The following MGRN1 variants were observed in gnomAD, a reference collection of about 807,000 sequenced individuals.
MGRN1 encodes the protein E3 ubiquitin-protein ligase MGRN1.
A neutral mutation model predicts 69.2 loss-of-function variants in MGRN1; 29 were observed. The observed-to-expected ratio is 0.42, with a 90% CI of 0.31 to 0.57. The LOEUF (loss-of-function observed/expected upper bound fraction) is 0.57, where lower values mean the gene tolerates loss of function less well. MGRN1 is among the 20% of genes least tolerant of loss of function. The probability of loss-of-function intolerance (pLI) is 0.15; values close to 1 mark genes in which losing one functional copy is unlikely to be tolerated. For synonymous variants in MGRN1, 470 were observed against 344.2 expected (o/e 1.37, Z -4.04); for missense variants, 998 against 796.2 (o/e 1.25, Z -3.05).
At chr16:4,668,518 CAT>C (rs527834275) in intron 8 of MGRN1, among the ~76,000 whole-genome samples, 157 of 152,006 alleles carry the variant, frequency 1.0e-3, no homozygotes, top group Non-Finnish European at 1.5e-3. Flanking sequence ...TATATAGACA[CAT>C]AAACACACAG....
At chr16:4,659,815 G>T (rs1464753623) in intron 5 of MGRN1, among the ~76,000 whole-genome samples, 1 of 151,030 alleles carries the variant, frequency 6.6e-6, no homozygotes, top group Non-Finnish European at 1.5e-5. Flanking sequence ...TTCAGAGAAG[G>T]CTGGGTGGCC....
At chr16:4,667,489 C>T (rs2078831459) in intron 7 of MGRN1, among the ~76,000 whole-genome samples, 1 of 152,230 alleles carries the variant, frequency 6.6e-6, no homozygotes, top group South Asian at 2.1e-4. Context: ...CATCTGCATC[C>T]TCTGGCAGAG....
rs116591067 is a variant in MGRN1 at position 4,668,442 on chromosome 16, C to G, written c.726+130C>G. ...ATACTCATACACGCTCATACACACTCATACACATTCACTTGCACATATATA... is the reference window on the plus strand; with the variant it reads ...ATACTCATACACGCTCATACACACTGATACACATTCACTTGCACATATATA... On this transcript the variant is annotated intron_variant, in intron 8 of 16. Transcript: ENST00000262370. 723 of 906,322 alleles carry G rather than the reference C, an allele frequency of 8.0e-4. 4 individuals carry two copies. The African/African-American group carries it at 0.011, about 14-fold the overall frequency. The allele number at this position is 906,322 out of a possible 1,614,324, so 56.1% of individuals were successfully genotyped here. A position where few individuals can be genotyped will look rare whatever the true frequency, so the allele number is the denominator to read the frequency against.
intron 1 of MGRN1, among the ~76,000 whole-genome samples, chr16:4,637,118 C>CAAAA (rs36033548): frequency 3.3e-4 from 16 of 48,478 alleles, no homozygotes; most frequent in African/African-American, 1.2e-3. Context: ...GACTCCATCT[C>CAAAA]AAAAAAAAAA....
chr16:4,674,299 A>T (rs1381911107), intron 10 of MGRN1, among the ~76,000 whole-genome samples: 6 of 148,428 alleles, frequency 4.0e-5, no homozygotes, highest in Admixed American at 1.3e-4. Context: ...ATTTTATTTT[A>T]TTTTTTTGAG....
At chr16:4,655,449 C>T (rs2078513689) in intron 4 of MGRN1, among the ~76,000 whole-genome samples, 1 of 145,740 alleles carries the variant, frequency 6.9e-6, no homozygotes, top group African/African-American at 2.4e-5. Context: ...AGCTTCCCCT[C>T]CCAGCAGGAA....
chr16:4,665,064 C>A, intron 6 of MGRN1, 38 bp from the exon 7 acceptor site: 1 of 1,612,710 alleles, frequency 6.2e-7, no homozygotes, highest in Non-Finnish European at 8.5e-7. Context: ...GTGGGGCAGG[C>A]CCCGACTCTG....
chr16:4,664,360 G>A (rs749796666), intron 5 of MGRN1: 2 of 323,260 alleles, frequency 6.2e-6, no homozygotes, highest in Non-Finnish European at 1.2e-5. Context: ...GCTGGAGGAG[G>A]GGATGGGGAG....
chr16:4,653,951 C>T (rs934141628), intron 4 of MGRN1, among the ~76,000 whole-genome samples: 1 of 152,186 alleles, frequency 6.6e-6, no homozygotes, highest in Non-Finnish European at 1.5e-5. Flanking sequence ...GGGGTTTCAT[C>T]ATGTTGGTCA....
At chr16:4,650,199 A>C (rs1170434028) in intron 1 of MGRN1, 166 bp from the exon 2 acceptor site, 3 of 540,724 alleles carry the variant, frequency 5.5e-6, no homozygotes, top group African/African-American at 3.9e-5. Context: ...GCTACTCGGG[A>C]GGCTGAGGCA....
intron 1 of MGRN1, among the ~76,000 whole-genome samples, chr16:4,635,317 T>A (rs1276747459): frequency 6.6e-6 from 1 of 151,998 alleles, no homozygotes; most frequent in Non-Finnish European, 1.5e-5. Flanking sequence ...CTCAGGTGGC[T>A]GAGGTGGGAG....
intron 16 of MGRN1, chr16:4,687,383 A>G (rs1252514571): frequency 1.7e-5 from 16 of 919,980 alleles, no homozygotes; most frequent in Middle Eastern, 5.5e-4. Context: ...CCTCTCTATG[A>G]AAAATAAAAA....
rs150893432 is a variant in MGRN1 at position 4,663,391 on chromosome 16, T to TTA, written c.562-1318_562-1317insTA. ...TTTTTTTTTTTTTTTTTTTTTTTTT[T>TTA]ACACCTTTATTGTGTTATAATTACC... On this transcript the variant is annotated intron_variant, in intron 5 of 16. Transcript: ENST00000262370. Among the ~76,000 whole-genome samples, 131 of 123,244 alleles carry TTA rather than the reference T, an allele frequency of 1.1e-3. 15 individuals carry two copies. Among genetic ancestry groups the TTA allele is most frequent in the Non-Finnish European group, 1.9e-3 (105 of 56,352 alleles). 80.9% of individuals were successfully genotyped at this position (123,244 alleles called of 152,430 possible).
At position 4,681,692 on chromosome 16, in the gene MGRN1, A is replaced by T. The variant is rs756636262; in HGVS notation, c.1274A>T (p.Gln425Leu). ...TCAGGCATCTCGGACGGCCTGTCCC[A>T]GGCCAGCTGTCCCCTCGCGGCTATC... is the stretch of plus-strand genomic sequence containing the variant. ...TYSGISDGLS[Q>L]ASCPLAAIDH... The change falls in exon 13 of 17, where the codon CAG becomes CTG. Residue 425 changes from glutamine (Q) to leucine (L), a missense_variant. Physicochemically the swap from Gln to Leu is moderately radical, Grantham distance 113. Transcript: ENST00000262370. 1.9e-6 allele frequency: 3 copies of T among 1,613,444 alleles called. No individual in the cohort carries two copies. Among genetic ancestry groups the T allele is most frequent in the Admixed American group, 3.3e-5 (2 of 60,024 alleles).
At chr16:4,669,521 CAT>C (rs2141941061) in intron 8 of MGRN1, among the ~76,000 whole-genome samples, 1 of 151,372 alleles carries the variant, frequency 6.6e-6, no homozygotes, top group African/African-American at 2.4e-5. Context: ...CTTGGGTGAG[CAT>C]ATATGTTTTG....
chr16:4,650,446 A>T lies in MGRN1; in HGVS notation c.170A>T (p.Asn57Ile). Residue 57 changes from asparagine to isoleucine, a missense_variant, in exon 2 of 17, where the codon AAC (asparagine) becomes ATC (isoleucine). Physicochemically the swap from Asn to Ile is moderately radical, Grantham distance 149 (BLOSUM62 -3). Coordinates refer to ENST00000262370, the MANE Select transcript of MGRN1 (RefSeq NM_015246.4). ...PHPEGYLFGE[N>I]MDLNFLGSRP... ...CCTGAAGGTTACCTCTTTGGAGAGA[A>T]CATGGATCTGAACTTCCTGGGCAGC... 6.2e-7 allele frequency: 1 copy of T among 1,614,012 alleles called. No individual in the cohort carries two copies. Among genetic ancestry groups the T allele is most frequent in the Non-Finnish European group, 8.5e-7 (1 of 1,179,930 alleles).
In MGRN1 at chr16:4,683,221, T is replaced by C. The variant is rs923494581; in HGVS notation, c.1483-3T>C. The C allele has an allele frequency of 3.1e-6, 5 of 1,613,544 alleles. No individual in the cohort carries two copies. The highest frequency in any genetic ancestry group is 2.5e-6 in the Non-Finnish European group (3 of 1,179,958). ...CTAGGCTACTTTCCCCTTTGTTTCC[T>C]AGAGTTTCATAACAGAAGAGGTTGA... On this transcript the variant is annotated splice_polypyrimidine_tract_variant and splice_region_variant and intron_variant, in intron 14 of 16. Coordinates refer to ENST00000262370, the MANE Select transcript of MGRN1 (RefSeq NM_015246.4).
In MGRN1 at chr16:4,682,217, G is replaced by T. The variant is rs2079201475; in HGVS notation, c.1358+441G>T. 2.0e-5 allele frequency among the ~76,000 whole-genome samples: 3 copies of T among 152,224 alleles called. 1 individual carries two copies. The South Asian group carries it at 6.2e-4, about 31-fold the overall frequency. On this transcript the variant is annotated intron_variant, in intron 13 of 16. Transcript: ENST00000262370. Reference sequence around the variant, plus strand: ...TGACCCAGGCACACTCACTGCTCTTGCCGTTCGCCCGTGACGAGCCACGGG... The same window carrying T: ...TGACCCAGGCACACTCACTGCTCTTTCCGTTCGCCCGTGACGAGCCACGGG...
intron 9 of MGRN1, among the ~76,000 whole-genome samples, chr16:4,673,224 T>C (rs1399655536): frequency 6.6e-6 from 1 of 152,204 alleles, no homozygotes; most frequent in African/African-American, 2.4e-5. Context: ...TTCCTCATTT[T>C]TTCTTTAGGT....
Sources: allele counts gnomAD v4.1 joint callset (sites outside exome capture counted in the v4.1 genomes callset), GRCh38; gene constraint gnomAD v4.1.1; transcripts MANE v1.5; gene names NCBI Gene and HGNC (gene_info 2026-07-23, HGNC 2026-07-21).